Variants in CHD6 observed in about 807,000 individuals in gnomAD.
The protein encoded by CHD6 is chromodomain helicase DNA binding protein 6, also known as ATP-dependent chromatin remodeler CHD6.
CHD6 carries 50 observed loss-of-function variants against 276.9 expected under a neutral mutation model. The observed-to-expected ratio is 0.18, with a 90% confidence interval of 0.14 to 0.23. CHD6 has a LOEUF of 0.23. Ranked by LOEUF, CHD6 falls within the 10% of genes least tolerant of loss-of-function variation. The pLI is 1.00. For synonymous variants in CHD6, 1,173 were observed against 1,229.3 expected (o/e 0.95, Z 0.96); for missense variants, 2,564 against 3,365.8 (o/e 0.76, Z 5.89).
intron 1 of CHD6, among the ~76,000 whole-genome samples, chr20:41,602,128 G>A (rs1469078424): frequency 1.3e-5 from 2 of 152,158 alleles, no homozygotes; most frequent in Non-Finnish European, 2.9e-5. Context: ...CTTTTGGTTA[G>A]CAGATTAATG....
At chr20:41,475,420 T>C (rs185882975) in intron 16 of CHD6, among the ~76,000 whole-genome samples, 47 of 152,324 alleles carry the variant, frequency 3.1e-4, no homozygotes, top group Middle Eastern at 3.4e-3. Context: ...ACAGAAAGGT[T>C]TTCCTAAACA....
At position 41,520,802 on chromosome 20, in the gene CHD6, C is replaced by T. The variant is rs139851209; in HGVS notation, c.555-5850G>A. Among the ~76,000 whole-genome samples, 11 of 151,872 alleles carry T rather than the reference C, an allele frequency of 7.2e-5. No homozygotes were observed. In the East Asian group the frequency reaches 1.9e-3, roughly 27 times the overall value. On this transcript the variant is annotated intron_variant, in intron 3 of 36. Coordinates refer to ENST00000373233, the MANE Select transcript of CHD6 (RefSeq NM_032221.5). ...AACCTGCATGTTCTGCACACGTACC[C>T]TAAAACTTAAAGTATAATAATAATT...
intron 10 of CHD6, among the ~76,000 whole-genome samples, chr20:41,492,453 A>G: frequency 6.6e-6 from 1 of 152,258 alleles, no homozygotes; most frequent in Admixed American, 6.5e-5. Context: ...CCTAAGTTTA[A>G]TGTTCCGAGT....
chr20:41,483,272 C>G, intron 16 of CHD6, 37 bp downstream of exon 16: 1 of 1,537,550 alleles, frequency 6.5e-7, no homozygotes, highest in Non-Finnish European at 8.8e-7. Context: ...AAGGAACTGT[C>G]CCATTGTTGA....
chr20:41,417,152 T>A, intron 32 of CHD6, 46 bp downstream of exon 32: 1 of 1,555,008 alleles, frequency 6.4e-7, no homozygotes, highest in Non-Finnish European at 8.7e-7. Flanking sequence ...AATTCAAAGC[T>A]GGGAATGGTT....
At chr20:41,444,378 T>C (rs2047998369) in intron 25 of CHD6, among the ~76,000 whole-genome samples, 1 of 152,210 alleles carries the variant, frequency 6.6e-6, no homozygotes. Context: ...AAGTGCTCAA[T>C]AGCCACACAG....
intron 1 of CHD6, among the ~76,000 whole-genome samples, chr20:41,612,555 C>G (rs987484969): frequency 6.6e-6 from 1 of 152,166 alleles, no homozygotes; most frequent in Non-Finnish European, 1.5e-5. Context: ...TTTAGACTGC[C>G]AGCAGTGCAA....
intron 1 of CHD6, among the ~76,000 whole-genome samples, chr20:41,575,836 A>G (rs768721899): frequency 6.6e-6 from 1 of 152,108 alleles, no homozygotes; most frequent in Non-Finnish European, 1.5e-5. Flanking sequence ...TAAAGAATCA[A>G]CTCTTTTTCA....
intron 1 of CHD6, among the ~76,000 whole-genome samples, chr20:41,558,168 C>T (rs1329371445): frequency 2.6e-5 from 4 of 152,168 alleles, no homozygotes; most frequent in African/African-American, 7.2e-5. Context: ...CTACCCTCCA[C>T]GCCCACAAAC....
chr20:41,405,055 C>A lies in CHD6; in HGVS notation c.7686G>T (p.Thr2562=). ...ASLSSTTKSG[T]AVTEKTAEDK... ...CTTCCGCAGTCTTTTCAGTCACTGCCGTACCACTTTTCGTTGTGCTTGATA... is the reference window on the plus strand; with the variant it reads ...CTTCCGCAGTCTTTTCAGTCACTGCAGTACCACTTTTCGTTGTGCTTGATA... Residue 2562 remains threonine (T), a synonymous_variant, in exon 37 of 37, where the codon ACG becomes ACT. Coordinates refer to ENST00000373233, the MANE Select transcript of CHD6 (RefSeq NM_032221.5). The A allele has an allele frequency of 6.2e-7, 1 of 1,614,204 alleles. No homozygotes were observed.
chr20:41,467,658 G>A lies in CHD6; in HGVS notation c.2664+5664C>T, dbSNP rs529504071. ...CTGAGGCAGGACTGCTTGAGGCCAG[G>A]GGTTTGAGACCAGCCTGGGCTGTCA... is the stretch of plus-strand genomic sequence containing the variant. On this transcript the variant is annotated intron_variant, in intron 17 of 36. Transcript: ENST00000373233. 2.0e-3 allele frequency among the ~76,000 whole-genome samples: 297 copies of A among 151,884 alleles called. 1 individual carries two copies. The highest frequency in any genetic ancestry group is 7.0e-3 in the African/African-American group (289 of 41,412).
chr20:41,440,737 A>G (rs1309374747), intron 25 of CHD6, among the ~76,000 whole-genome samples: 1 of 152,208 alleles, frequency 6.6e-6, no homozygotes, highest in Non-Finnish European at 1.5e-5. Context: ...AAGCAAAACA[A>G]TTTTAAAAAC....
rs183220365 is a variant in CHD6 at position 41,460,435 on chromosome 20, G to A, written c.2665-3007C>T. Among the ~76,000 whole-genome samples the A allele has an allele frequency of 6.3e-4, 96 of 152,328 alleles. 1 individual carries two copies. The highest frequency in any genetic ancestry group is 1.9e-3 in the African/African-American group (80 of 41,588). ...CAGCCCCTCCCATCACAGGCTCGGA[G>A]GCCTAGGAGGAAAAAGTGGTTTTGT... On this transcript the variant is annotated intron_variant, in intron 17 of 36. Transcript: ENST00000373233.
At chr20:41,527,431 A>G (rs1402520805) in intron 3 of CHD6, among the ~76,000 whole-genome samples, 1 of 152,104 alleles carries the variant, frequency 6.6e-6, no homozygotes, top group Non-Finnish European at 1.5e-5. Flanking sequence ...AAAAAAAAAA[A>G]GAAGCAACCT....
chr20:41,547,511 C>T, intron 2 of CHD6: 1 of 409,764 alleles, frequency 2.4e-6, no homozygotes, highest in Non-Finnish European at 4.8e-6. Flanking sequence ...CACTGGCTCC[C>T]AGGATAAGAC....
At chr20:41,580,440 A>C (rs2045523872) in intron 1 of CHD6, among the ~76,000 whole-genome samples, 1 of 152,014 alleles carries the variant, frequency 6.6e-6, no homozygotes, top group Admixed American at 6.6e-5. Context: ...GGATGGCTTG[A>C]GCCCAGAAGA....
At chr20:41,522,658 G>A (rs757601237) in intron 3 of CHD6, among the ~76,000 whole-genome samples, 5 of 151,592 alleles carry the variant, frequency 3.3e-5, no homozygotes, top group Non-Finnish European at 5.9e-5. Context: ...ACGCGTGCGC[G>A]CACACACACA....
chr20:41,555,741 G>A (rs2045223357), intron 1 of CHD6, among the ~76,000 whole-genome samples: 2 of 151,488 alleles, frequency 1.3e-5, no homozygotes, highest in Non-Finnish European at 1.5e-5. Context: ...GATGGCGGCC[G>A]GGCAGAGACG....
At chr20:41,410,967 C>CA (rs2145393988) in intron 36 of CHD6, among the ~76,000 whole-genome samples, 1 of 152,140 alleles carries the variant, frequency 6.6e-6, no homozygotes, top group South Asian at 2.1e-4. Context: ...TGAGGAAAGA[C>CA]AGAGGGGACA....
Sources: allele counts gnomAD v4.1 joint callset (sites outside exome capture counted in the v4.1 genomes callset), GRCh38; gene constraint gnomAD v4.1.1; transcripts MANE v1.5; gene names NCBI Gene and HGNC (gene_info 2026-07-23, HGNC 2026-07-21).